The following JMJD1C variants were observed in gnomAD, a reference collection of about 807,000 sequenced individuals.
JMJD1C encodes jumonji domain containing 1C.
JMJD1C carries 31 observed loss-of-function variants against 245.3 expected under a neutral mutation model. The observed-to-expected ratio is 0.13, with a 90% CI of 0.09 to 0.17. JMJD1C has a LOEUF of 0.17. Ranked by LOEUF, JMJD1C falls within the 10% of genes least tolerant of loss-of-function variation. The pLI is 1.00. For synonymous variants in JMJD1C, 1,057 were observed against 1,017.4 expected (o/e 1.04, Z -0.74); for missense variants, 2,691 against 3,000.2 (o/e 0.90, Z 2.41).
At chr10:63,182,073 A>C (rs1843559866) in intron 22 of JMJD1C, among the ~76,000 whole-genome samples, 1 of 152,224 alleles carries the variant, frequency 6.6e-6, no homozygotes, top group South Asian at 2.1e-4. Context: ...TGTACACAAA[A>C]GTAGAGTGAA....
intron 2 of JMJD1C, among the ~76,000 whole-genome samples, chr10:63,285,366 C>T (rs562188514): frequency 2.6e-4 from 39 of 152,212 alleles, no homozygotes; most frequent in African/African-American, 8.2e-4. Context: ...CATAACTTAC[C>T]GTAAATGGCA....
intron 1 of JMJD1C, among the ~76,000 whole-genome samples, chr10:63,413,985 C>CT (rs397846162): frequency 0.16 from 20,506 of 131,974 alleles, 3,882 homozygotes; most frequent in African/African-American, 0.45. Context: ...GCTATCAATA[C>CT]TTTTTTTTTT....
chr10:63,316,852 C>CT (rs1424967208), intron 2 of JMJD1C, among the ~76,000 whole-genome samples: 2 of 152,094 alleles, frequency 1.3e-5, no homozygotes, highest in East Asian at 3.9e-4. Flanking sequence ...GAGTATTTAT[C>CT]TTTTTGTTTG....
intron 1 of JMJD1C, among the ~76,000 whole-genome samples, chr10:63,520,148 C>G (rs7071091): frequency 0.058 from 8,887 of 152,194 alleles, 427 homozygotes; most frequent in African/African-American, 0.13. Flanking sequence ...TGACTGAGAA[C>G]TGAAAATAAT....
chr10:63,302,342 C>G (rs539341030), intron 2 of JMJD1C, among the ~76,000 whole-genome samples: 1 of 152,298 alleles, frequency 6.6e-6, no homozygotes, highest in South Asian at 2.1e-4. Context: ...ATTAGAAATG[C>G]ATTCCACAAG....
intron 2 of JMJD1C, among the ~76,000 whole-genome samples, chr10:63,311,916 T>C (rs1476432275): frequency 6.6e-6 from 1 of 152,184 alleles, no homozygotes; most frequent in Non-Finnish European, 1.5e-5. Context: ...AGGTTATTCT[T>C]AATTTATTAT....
At chr10:63,392,816 T>C (rs1480694579) in intron 1 of JMJD1C, among the ~76,000 whole-genome samples, 1 of 119,838 alleles carries the variant, frequency 8.3e-6, no homozygotes, top group Non-Finnish European at 1.6e-5. Context: ...AGAGCGAGAC[T>C]TCGTCTCCAA....
At chr10:63,334,074 C>G (rs1374898350) in intron 2 of JMJD1C, among the ~76,000 whole-genome samples, 1 of 152,124 alleles carries the variant, frequency 6.6e-6, no homozygotes, top group Non-Finnish European at 1.5e-5. Flanking sequence ...TGTACTGACA[C>G]AAGGCTTGTC....
intron 1 of JMJD1C, among the ~76,000 whole-genome samples, chr10:63,505,806 CCT>C (rs1954700722): frequency 6.8e-6 from 1 of 146,342 alleles, no homozygotes; most frequent in African/African-American, 2.5e-5. Flanking sequence ...ACTAGATAGC[CCT>C]CCTCCCCCCA....
At chr10:63,241,745 C>T (rs1195477821) in intron 3 of JMJD1C, among the ~76,000 whole-genome samples, 1 of 152,108 alleles carries the variant, frequency 6.6e-6, no homozygotes, top group Non-Finnish European at 1.5e-5. Flanking sequence ...ATATGCTAAA[C>T]AGTTATTTTG....
chr10:63,411,365 C>T (rs994886742), intron 1 of JMJD1C, among the ~76,000 whole-genome samples: 1 of 137,722 alleles, frequency 7.3e-6, no homozygotes, highest in Non-Finnish European at 1.5e-5. Flanking sequence ...GTGGCCCAAT[C>T]TTGGCTCACT....
chr10:63,505,971 T>C (rs1249348812), intron 1 of JMJD1C, among the ~76,000 whole-genome samples: 1 of 152,084 alleles, frequency 6.6e-6, no homozygotes, highest in Non-Finnish European at 1.5e-5. Flanking sequence ...TTCTCTCCAA[T>C]AAGAACTTAC....
intron 3 of JMJD1C, among the ~76,000 whole-genome samples, chr10:63,224,466 C>T (rs1426104593): frequency 1.3e-5 from 2 of 152,160 alleles, no homozygotes; most frequent in Non-Finnish European, 2.9e-5. Flanking sequence ...TCCTCCCCCT[C>T]GTCTACATAT....
intron 1 of JMJD1C, among the ~76,000 whole-genome samples, chr10:63,476,525 C>A (rs561621589): frequency 7.9e-5 from 12 of 152,084 alleles, no homozygotes; most frequent in Middle Eastern, 3.4e-3. Flanking sequence ...GAGTTCAAGA[C>A]CAGCCTGGGC....
In JMJD1C at chr10:63,213,914, T is replaced by C. The variant is rs759926416; in HGVS notation, c.2253A>G (p.Pro751=). ...GAGTTAAGGCAGGATGATGGGTACC[T>C]GGATTTAAACAGGTTCTATGAGATG... is the stretch of plus-strand genomic sequence containing the variant. ...HSSSHRTCLN[P]GTHHPALTPA... is the part of the protein sequence containing the mutation. The change falls in exon 8 of 26, where the codon CCA becomes CCG. Residue 751 remains proline (P), a synonymous_variant. Coordinates refer to ENST00000399262, the MANE Select transcript of JMJD1C (RefSeq NM_032776.3). 5 of 1,614,164 alleles carry C rather than the reference T, an allele frequency of 3.1e-6. No homozygotes were observed. The South Asian group carries it at 3.3e-5, about 11-fold the overall frequency.
At chr10:63,312,129 C>T (rs573398254) in intron 2 of JMJD1C, among the ~76,000 whole-genome samples, 77 of 118,126 alleles carry the variant, frequency 6.5e-4, no homozygotes, top group African/African-American at 2.3e-3. Context: ...GTGTGTGAGA[C>T]GAAGTTTCGC....
chr10:63,376,241 A>T (rs1021635837), intron 2 of JMJD1C, among the ~76,000 whole-genome samples: 1 of 152,218 alleles, frequency 6.6e-6, no homozygotes, highest in Non-Finnish European at 1.5e-5. Flanking sequence ...TACACGTAAA[A>T]AAAAGCTGGA....
chr10:63,507,793 C>T (rs1001530161), intron 1 of JMJD1C, among the ~76,000 whole-genome samples: 11 of 152,102 alleles, frequency 7.2e-5, no homozygotes, highest in African/African-American at 2.7e-4. Context: ...TGGTATCTCA[C>T]ATTTTAATTT....
intron 3 of JMJD1C, among the ~76,000 whole-genome samples, chr10:63,246,749 T>TAGA (rs1852260562): frequency 6.6e-6 from 1 of 152,142 alleles, no homozygotes; most frequent in Non-Finnish European, 1.5e-5. Flanking sequence ...CAAACTGTCT[T>TAGA]TTCTGACCAC....
Sources: gnomAD v4.1 joint callset for allele counts (sites outside exome capture counted in the v4.1 genomes callset) on GRCh38, gnomAD v4.1.1 for gene constraint, MANE v1.5 for transcripts, NCBI Gene and HGNC (gene_info 2026-07-23, HGNC 2026-07-21) for gene names.